The following TNIK variants were observed in gnomAD, a reference collection of about 807,000 sequenced individuals.
The protein encoded by TNIK is TRAF2 and NCK interacting kinase, also known as TRAF2 and NCK-interacting protein kinase.
A neutral mutation model predicts 191.3 loss-of-function variants in TNIK; 49 were observed. The ratio of observed to expected loss-of-function variants is 0.26; its 90% CI spans 0.20 to 0.32. TNIK has a LOEUF of 0.32. TNIK is among the 10% of genes least tolerant of loss of function. TNIK has a pLI of 1.00. For synonymous variants in TNIK, 594 were observed against 600.9 expected (o/e 0.99, Z 0.17); for missense variants, 1,155 against 1,702.3 (o/e 0.68, Z 5.66).
intron 2 of TNIK, among the ~76,000 whole-genome samples, chr3:171,342,007 T>C (rs1384958327): frequency 6.6e-6 from 1 of 152,244 alleles, no homozygotes; most frequent in East Asian, 1.9e-4. Context: ...CCAACCATCT[T>C]GGTTTAAAGT....
intron 1 of TNIK, among the ~76,000 whole-genome samples, chr3:171,378,808 T>C (rs1027430222): frequency 3.3e-5 from 5 of 152,258 alleles, no homozygotes; most frequent in Non-Finnish European, 1.5e-5. Flanking sequence ...TATGCAGTTA[T>C]AGATTTCTCC....
intron 2 of TNIK, among the ~76,000 whole-genome samples, chr3:171,293,167 AG>A (rs1751879029): frequency 6.6e-6 from 1 of 152,218 alleles, no homozygotes; most frequent in Non-Finnish European, 1.5e-5. Flanking sequence ...AACACACTAG[AG>A]GAGGAAACCA....
chr3:171,101,754 C>T, intron 21 of TNIK, 121 bp from the exon 22 acceptor site: 1 of 905,590 alleles, frequency 1.1e-6, no homozygotes. Context: ...AGAACTGTGA[C>T]AAACATAGTT....
chr3:171,276,296 T>C (rs1749740096), intron 2 of TNIK, among the ~76,000 whole-genome samples: 1 of 145,136 alleles, frequency 6.9e-6, no homozygotes, highest in South Asian at 2.2e-4. Flanking sequence ...GAAGACAGGA[T>C]AGTTTTCAGG....
chr3:171,272,755 C>T (rs1749272766), intron 2 of TNIK, among the ~76,000 whole-genome samples: 1 of 151,918 alleles, frequency 6.6e-6, no homozygotes, highest in African/African-American at 2.4e-5. Context: ...CTGAGTTGTT[C>T]CTCTGTGTTT....
chr3:171,153,547 G>A (rs919915967), intron 12 of TNIK, among the ~76,000 whole-genome samples: 5 of 152,142 alleles, frequency 3.3e-5, no homozygotes, highest in Middle Eastern at 3.4e-3. Context: ...ACCATCATCT[G>A]TCCAAAGCAT....
rs1576978479 is a variant in TNIK at position 171,152,900 on chromosome 3, T to C, written c.1221+4560A>G. Among the ~76,000 whole-genome samples the C allele has an allele frequency of 4.0e-5, 6 of 151,828 alleles. No homozygotes were observed. The South Asian group carries it at 1.3e-3, about 32-fold the overall frequency. On this transcript the variant is annotated intron_variant, in intron 12 of 32. Transcript: ENST00000436636. ...CATTCTCCTGCCTCAGCTTCCCGAGTAGCTGGGACTACAGGCGCCTGCCAC... is the reference window on the plus strand; with the variant it reads ...CATTCTCCTGCCTCAGCTTCCCGAGCAGCTGGGACTACAGGCGCCTGCCAC...
chr3:171,178,992 C>G (rs572201216), intron 7 of TNIK, among the ~76,000 whole-genome samples: 3 of 152,114 alleles, frequency 2.0e-5, no homozygotes, highest in African/African-American at 7.2e-5. Flanking sequence ...GAGGTCTGCA[C>G]AATGTGGAGG....
Position 171,122,160 on chromosome 3 carries a change from C to A in TNIK, c.2120+1436G>T, listed in dbSNP as rs149098556. 2.4e-3 allele frequency among the ~76,000 whole-genome samples: 370 copies of A among 152,292 alleles called. 2 individuals carry two copies. Among genetic ancestry groups the A allele is most frequent in the African/African-American group, 8.5e-3 (353 of 41,558 alleles). ...TTTATTTGACTATATGATGGTAATT[C>A]TCTTTTTGGTTGACAGAAGGAAAAA... is the stretch of plus-strand genomic sequence containing the variant. On this transcript the variant is annotated intron_variant, in intron 18 of 32. Transcript: ENST00000436636.
intron 2 of TNIK, chr3:171,347,198 C>T (rs1347447826): frequency 9.2e-6 from 14 of 1,523,332 alleles, no homozygotes; most frequent in Non-Finnish European, 1.8e-6. Context: ...TGATAATGCC[C>T]TTCACTCACT....
chr3:171,298,382 G>C (rs1453704787), intron 2 of TNIK, among the ~76,000 whole-genome samples: 1 of 152,178 alleles, frequency 6.6e-6, no homozygotes, highest in African/African-American at 2.4e-5. Context: ...CTGATAGTTT[G>C]ACTTTGGGGA....
chr3:171,264,101 CACACACACACATATAT>C (rs1252737488), intron 2 of TNIK, among the ~76,000 whole-genome samples: 1,538 of 78,350 alleles, frequency 0.02, 29 homozygotes, highest in African/African-American at 0.089. Context: ...CACACACACA[CACACACACACATATAT>C]ATATATATAT....
chr3:171,416,276 G>A (rs73048541), intron 1 of TNIK, among the ~76,000 whole-genome samples: 11,268 of 152,024 alleles, frequency 0.074, 792 homozygotes, highest in African/African-American at 0.19. Context: ...TACAATTAGA[G>A]CTACTCATCA....
At chr3:171,160,110 T>C (rs1160323311) in intron 11 of TNIK, among the ~76,000 whole-genome samples, 1 of 152,244 alleles carries the variant, frequency 6.6e-6, no homozygotes, top group African/African-American at 2.4e-5. Context: ...TCATTTTCTA[T>C]GTCACTACTT....
chr3:171,096,281 G>A (rs1270394739), intron 22 of TNIK, among the ~76,000 whole-genome samples: 5 of 151,920 alleles, frequency 3.3e-5, no homozygotes, highest in Admixed American at 1.3e-4. Context: ...TGGCCACCCC[G>A]TCTTCAGTCC....
At chr3:171,371,068 G>T (rs1716421495) in intron 1 of TNIK, among the ~76,000 whole-genome samples, 1 of 152,098 alleles carries the variant, frequency 6.6e-6, no homozygotes, top group Non-Finnish European at 1.5e-5. Context: ...GCAACATATT[G>T]TCTGGGTCTG....
chr3:171,162,421 C>T (rs1030254726), intron 10 of TNIK, among the ~76,000 whole-genome samples: 5 of 152,122 alleles, frequency 3.3e-5, no homozygotes, highest in African/African-American at 1.2e-4. Flanking sequence ...GAGACTCCGT[C>T]TCAAATATAT....
chr3:171,296,059 T>C (rs575425773), intron 2 of TNIK, among the ~76,000 whole-genome samples: 1 of 152,314 alleles, frequency 6.6e-6, no homozygotes, highest in African/African-American at 2.4e-5. Context: ...TTAAACAATG[T>C]AGAACAGTAT....
At chr3:171,376,806 G>C (rs968487040) in intron 1 of TNIK, among the ~76,000 whole-genome samples, 1 of 147,078 alleles carries the variant, frequency 6.8e-6, no homozygotes, top group African/African-American at 2.7e-5. Flanking sequence ...GAGAGATATG[G>C]CTATAGGTAG....
Sources: allele counts gnomAD v4.1 joint callset (sites outside exome capture counted in the v4.1 genomes callset), GRCh38; gene constraint gnomAD v4.1.1; transcripts MANE v1.5; gene names NCBI Gene and HGNC (gene_info 2026-07-23, HGNC 2026-07-21).